The following GPR55 variants were observed in gnomAD, a reference collection of about 807,000 sequenced individuals.
GPR55 encodes G protein-coupled receptor 55, also known as G-protein coupled receptor 55.
A neutral mutation model predicts 7.9 loss-of-function variants in GPR55; 6 were observed. That is an observed-to-expected ratio of 0.76 (90% CI 0.41 to 1.49). The LOEUF (loss-of-function observed/expected upper bound fraction) is 1.49, where lower values mean the gene tolerates loss of function less well. Among genes scored for constraint, GPR55 ranks in the 40% most tolerant of loss-of-function variants. The pLI, the probability that GPR55 is intolerant of heterozygous loss-of-function variation, is 0.01. For missense variants in GPR55, 376 were observed against 406.0 expected (o/e 0.93, Z 0.63); for synonymous variants, 183 against 166.8 (o/e 1.10, Z -0.75).
rs985720504 is a variant in GPR55, at chr2:230,908,526, C to T, written c.*1477G>A. 3.2e-5 allele frequency: 5 copies of T among 156,116 alleles called. No individual in the cohort carries two copies. In the East Asian group the frequency reaches 9.5e-4, roughly 30 times the overall value. The allele number at this position is 156,116 out of a possible 1,614,324, so 9.7% of individuals were successfully genotyped here. On this transcript the variant is annotated 3_prime_UTR_variant, in exon 2 of 2. Coordinates refer to ENST00000650999, the MANE Select transcript of GPR55 (RefSeq NM_005683.4). Reference sequence around the variant, plus strand: ...CCCTCCTTTTCCTCTTCCTCTTCCTCCTCCTCCTCCCCACAGGTCCAGGTT... The same window carrying T: ...CCCTCCTTTTCCTCTTCCTCTTCCTTCTCCTCCTCCCCACAGGTCCAGGTT...
chr2:230,930,502 G>C (rs917183109), intron 1 of GPR55, among the ~76,000 whole-genome samples: 17 of 150,410 alleles, frequency 1.1e-4, no homozygotes, highest in African/African-American at 3.7e-4. Flanking sequence ...TTAGGCTGGG[G>C]TGCAGTGGCA....
intron 1 of GPR55, among the ~76,000 whole-genome samples, chr2:230,939,959 A>T (rs188204021): frequency 6.6e-6 from 1 of 151,896 alleles, no homozygotes; most frequent in East Asian, 1.9e-4. Flanking sequence ...GGGACAGCTA[A>T]TCCTCCCACC....
chr2:230,940,398 A>G (rs1468794284), intron 1 of GPR55, among the ~76,000 whole-genome samples: 1 of 152,066 alleles, frequency 6.6e-6, no homozygotes, highest in Non-Finnish European at 1.5e-5. Context: ...CAGGCCCAAA[A>G]CTGCTGTGAA....
chr2:230,930,789 T>C (rs1037482478), intron 1 of GPR55, among the ~76,000 whole-genome samples: 1 of 152,202 alleles, frequency 6.6e-6, no homozygotes, highest in Non-Finnish European at 1.5e-5. Flanking sequence ...TTTTGCGGCA[T>C]GGAAATTGTT....
intron 1 of GPR55, among the ~76,000 whole-genome samples, chr2:230,951,143 G>A (rs954848390): frequency 3.9e-5 from 6 of 152,180 alleles, no homozygotes; most frequent in Admixed American, 1.3e-4. Flanking sequence ...GAAGTTGGTC[G>A]GTCAGAAGTT....
chr2:230,914,965 GAAC>G lies in GPR55; in HGVS notation c.-134-3872_-134-3870del, dbSNP rs148163801. ...GACTCTGTGGAAGGAGAGAGGGAAG[GAAC>G]AACAAGGTGGGAAGGACTTCAGACA... is the stretch of plus-strand genomic sequence containing the variant. On this transcript the variant is annotated intron_variant, in intron 1 of 1. Transcript: ENST00000650999. Among the ~76,000 whole-genome samples, 934 of 152,326 alleles carry G rather than the reference GAAC, an allele frequency of 6.1e-3. 9 individuals carry two copies. Among genetic ancestry groups the G allele is most frequent in the African/African-American group, 0.021 (872 of 41,558 alleles).
At chr2:230,916,275 C>G (rs1040386348) in intron 1 of GPR55, among the ~76,000 whole-genome samples, 3 of 151,976 alleles carry the variant, frequency 2.0e-5, no homozygotes, top group Admixed American at 2.0e-4. Context: ...TAGTCCCCAA[C>G]TATTTGGCAG....
chr2:230,931,081 C>T (rs1196970239), intron 1 of GPR55, among the ~76,000 whole-genome samples: 1 of 152,188 alleles, frequency 6.6e-6, no homozygotes, highest in Admixed American at 6.5e-5. Flanking sequence ...TCCTGCAAAA[C>T]GCTTTGTCCT....
intron 1 of GPR55, among the ~76,000 whole-genome samples, chr2:230,945,311 C>A (rs919274285): frequency 6.6e-6 from 1 of 151,940 alleles, no homozygotes; most frequent in Non-Finnish European, 1.5e-5. Context: ...TGCATGGAGG[C>A]CTTTCCAAGG....
intron 1 of GPR55, among the ~76,000 whole-genome samples, chr2:230,949,686 G>A (rs1248588362): frequency 6.6e-6 from 1 of 151,710 alleles, no homozygotes; most frequent in Non-Finnish European, 1.5e-5. Context: ...TCTTCCTTTA[G>A]TGAGTGTACA....
rs79493816 is a variant in GPR55, at chr2:230,931,373, G to A, written c.-134-20277C>T. On this transcript the variant is annotated intron_variant, in intron 1 of 1. Coordinates refer to the GPR55 transcript ENST00000392039. ...ACGATCAACAGCCTTGTTGACAGAG[G>A]AAGAAATTGAAGCACAGAGGGCTGG... Among the ~76,000 whole-genome samples, 26 of 152,320 alleles carry A rather than the reference G, an allele frequency of 1.7e-4. No homozygotes were observed. The East Asian group carries it at 5.0e-3, about 29-fold the overall frequency.
At chr2:230,912,891 C>T (rs1440356972) in intron 1 of GPR55, among the ~76,000 whole-genome samples, 2 of 152,256 alleles carry the variant, frequency 1.3e-5, no homozygotes, top group African/African-American at 4.8e-5. Flanking sequence ...AAGGCCTCAA[C>T]TGTCCTTTTC....
intron 1 of GPR55, among the ~76,000 whole-genome samples, chr2:230,946,717 C>T (rs1380446587): frequency 1.3e-5 from 2 of 152,240 alleles, no homozygotes; most frequent in Non-Finnish European, 2.9e-5. Context: ...GTTCCCACTG[C>T]AGCCCACACC....
chr2:230,954,621 CAG>C (rs1221552905), intron 1 of GPR55, among the ~76,000 whole-genome samples: 2 of 151,814 alleles, frequency 1.3e-5, no homozygotes, highest in African/African-American at 4.9e-5. Flanking sequence ...ACAAATAGTC[CAG>C]TTATACTCTT....
intron 1 of GPR55, among the ~76,000 whole-genome samples, chr2:230,937,445 G>A (rs752768810): frequency 2.1e-5 from 3 of 142,460 alleles, no homozygotes; most frequent in Non-Finnish European, 3.0e-5. Context: ...TTAGGTCCCT[G>A]GGGAAAAAAC....
At chr2:230,950,119 G>A (rs572904553) in intron 1 of GPR55, among the ~76,000 whole-genome samples, 1 of 152,234 alleles carries the variant, frequency 6.6e-6, no homozygotes, top group Non-Finnish European at 1.5e-5. Flanking sequence ...GAGCCATCAC[G>A]CCCAGCCAGT....
intron 1 of GPR55, among the ~76,000 whole-genome samples, chr2:230,938,397 C>CAAAAAAAAA (rs66962280): frequency 1.7e-5 from 2 of 116,286 alleles, no homozygotes; most frequent in Non-Finnish European, 1.9e-5. Context: ...ACCAGATGAC[C>CAAAAAAAAA]AAAAAAAAAA....
chr2:230,933,500 G>C (rs1476940159), intron 1 of GPR55, among the ~76,000 whole-genome samples: 2 of 152,236 alleles, frequency 1.3e-5, no homozygotes, highest in East Asian at 3.9e-4. Context: ...CTCCAAGGGA[G>C]CTCTCAGCCA....
Position 230,910,666 on chromosome 2 carries a change from G to A in GPR55, c.297C>T (p.Cys99=), listed in dbSNP as rs749043487. 3 of 1,613,386 alleles carry A rather than the reference G, an allele frequency of 1.9e-6. No individual in the cohort carries two copies. Among genetic ancestry groups the A allele is most frequent in the African/African-American group, 2.7e-5 (2 of 75,038 alleles). Residue 99 remains cysteine, a synonymous_variant, in exon 2 of 2, where the codon TGC becomes TGT. Coordinates refer to ENST00000650999, the MANE Select transcript of GPR55 (RefSeq NM_005683.4). The surrounding 1 kb of genome is among the most constrained non-coding windows in gnomAD (Gnocchi z 5.4). ...TTCCGTACATGCTGACGAAGTAAAGGCACTCCACCAGGGTGCACAGGGACG... is the reference window on the plus strand; with the variant it reads ...TTCCGTACATGCTGACGAAGTAAAGACACTCCACCAGGGTGCACAGGGACG... ...PFPSLCTLVE[C]LYFVSMYGSV... is the part of the protein sequence containing the mutation.
Sources: allele counts gnomAD v4.1 joint callset (sites outside exome capture counted in the v4.1 genomes callset), GRCh38; gene constraint gnomAD v4.1.1; non-coding constraint Gnocchi (gnomAD v3.1); transcripts MANE v1.5; gene names NCBI Gene and HGNC (gene_info 2026-07-23, HGNC 2026-07-21).